The following TPRG1 variants were observed in gnomAD, a reference collection of about 807,000 sequenced individuals.
The protein encoded by TPRG1 is tumor protein p63 regulated 1.
TPRG1 carries 29 observed loss-of-function variants against 29.3 expected under a neutral mutation model. The observed-to-expected ratio is 0.99, with a 90% CI of 0.74 to 1.35. The LOEUF (loss-of-function observed/expected upper bound fraction) is 1.35. Among genes scored for constraint, TPRG1 ranks in the 40% most tolerant of loss-of-function variants. TPRG1 has a pLI of 0.00. For missense variants in TPRG1, 327 were observed against 335.0 expected (o/e 0.98, Z 0.19); for synonymous variants, 130 against 116.8 (o/e 1.11, Z -0.73).
intron 1 of TPRG1, among the ~76,000 whole-genome samples, chr3:189,177,656 G>A (rs928012126): frequency 6.6e-6 from 1 of 151,980 alleles, no homozygotes; most frequent in African/African-American, 2.4e-5. Context: ...GTTTAGAGAG[G>A]TGCAGTGAAC....
chr3:189,066,508 C>A (rs990581516), intron 4 of TPRG1, among the ~76,000 whole-genome samples: 15 of 151,710 alleles, frequency 9.9e-5, no homozygotes, highest in African/African-American at 3.4e-4. Context: ...CAAGGATGCT[C>A]CAAAAAATGC....
At chr3:189,295,129 C>G (rs528874695) in intron 4 of TPRG1, among the ~76,000 whole-genome samples, 2 of 152,158 alleles carry the variant, frequency 1.3e-5, no homozygotes, top group African/African-American at 4.8e-5. Flanking sequence ...TTTTCATGCC[C>G]TGGTTAAATC....
intron 1 of TPRG1, among the ~76,000 whole-genome samples, chr3:189,202,495 G>A (rs551904313): frequency 2.6e-5 from 4 of 152,180 alleles, no homozygotes; most frequent in Non-Finnish European, 4.4e-5. Flanking sequence ...ACTTTAAATC[G>A]TTCAATATTA....
intron 1 of TPRG1, among the ~76,000 whole-genome samples, chr3:189,202,258 G>C (rs1433902634): frequency 6.6e-6 from 1 of 152,164 alleles, no homozygotes; most frequent in African/African-American, 2.4e-5. Flanking sequence ...TTCAGTATGT[G>C]GTGGAGCAGA....
rs1579064140 is a variant in TPRG1, at chr3:189,256,106, GGGTGT to G, written c.479+17198_479+17202del. Reference sequence around the variant, plus strand: ...TCTAAGTCTTTTAATTGTGATGTTAGGGTGTTGATTTTAGATCTTTCCCACTTTGT... The same window carrying G: ...TCTAAGTCTTTTAATTGTGATGTTAGTGATTTTAGATCTTTCCCACTTTGT... On this transcript the variant is annotated intron_variant, in intron 4 of 5. Coordinates refer to ENST00000345063, the MANE Select transcript of TPRG1 (RefSeq NM_198485.4). 7.2e-5 allele frequency among the ~76,000 whole-genome samples: 11 copies of G among 152,208 alleles called. No individual in the cohort carries two copies. In the East Asian group the frequency reaches 2.1e-3, roughly 29 times the overall value.
At chr3:189,033,427 A>G (rs1208477002) in intron 4 of TPRG1, among the ~76,000 whole-genome samples, 1 of 152,046 alleles carries the variant, frequency 6.6e-6, no homozygotes, top group Non-Finnish European at 1.5e-5. Context: ...GACAACAGGT[A>G]CGTGCCACCA....
At chr3:189,085,270 T>C (rs1221909984) in intron 4 of TPRG1, among the ~76,000 whole-genome samples, 1 of 152,192 alleles carries the variant, frequency 6.6e-6, no homozygotes, top group Non-Finnish European at 1.5e-5. Flanking sequence ...AGTCTGTCAA[T>C]GAGCTATTCA....
intron 4 of TPRG1, among the ~76,000 whole-genome samples, chr3:189,029,225 G>A (rs1220659659): frequency 1.3e-5 from 2 of 152,120 alleles, no homozygotes; most frequent in African/African-American, 4.8e-5. Context: ...GTTGAAGGGG[G>A]AGAAAGGAAT....
intron 5 of TPRG1, among the ~76,000 whole-genome samples, chr3:189,312,135 T>TTC (rs1722678532): frequency 6.8e-5 from 4 of 58,548 alleles, no homozygotes; most frequent in African/African-American, 3.3e-4. Flanking sequence ...CTTTCTTTCT[T>TTC]TCTTTCTTTC....
At position 189,076,942 on chromosome 3, in the gene TPRG1, A is replaced by ATATATATG. The variant is rs199941065; in HGVS notation, c.-462-50115_-462-50114insTATATATG. On this transcript the variant is annotated intron_variant, in intron 4 of 10. Transcript: ENST00000433971. ...TGTGTACATATATATATATATATAT[A>ATATATATG]GCCAATAAGCACATGAGAAAGTGCT... is the stretch of plus-strand genomic sequence containing the variant. Among the ~76,000 whole-genome samples the ATATATATG allele has an allele frequency of 8.4e-3, 1,266 of 151,292 alleles. 16 individuals carry two copies. Among genetic ancestry groups the ATATATATG allele is most frequent in the African/African-American group, 0.03 (1,215 of 40,754 alleles).
intron 1 of TPRG1, among the ~76,000 whole-genome samples, chr3:189,182,472 T>G: frequency 6.6e-6 from 1 of 152,220 alleles, no homozygotes; most frequent in Non-Finnish European, 1.5e-5. Context: ...AGCCCTCTGC[T>G]AACCTGTGGG....
chr3:189,006,437 C>A (rs549208669), intron 3 of TPRG1, among the ~76,000 whole-genome samples: 2 of 152,170 alleles, frequency 1.3e-5, no homozygotes, highest in African/African-American at 4.8e-5. Flanking sequence ...GGAGAGACAC[C>A]CCTGTTGGGA....
chr3:189,093,962 G>A (rs1016932072), intron 4 of TPRG1, among the ~76,000 whole-genome samples: 2 of 152,048 alleles, frequency 1.3e-5, no homozygotes, highest in African/African-American at 4.8e-5. Flanking sequence ...AGCAGCCCTC[G>A]GGACATCAGC....
intron 1 of TPRG1, among the ~76,000 whole-genome samples, chr3:189,107,519 A>G (rs1037897119): frequency 1.3e-5 from 2 of 152,174 alleles, no homozygotes; most frequent in Admixed American, 6.6e-5. Flanking sequence ...ACGTATGGAC[A>G]AAAAAGCAAT....
chr3:189,034,917 C>T (rs879781234), intron 4 of TPRG1, among the ~76,000 whole-genome samples: 49 of 152,148 alleles, frequency 3.2e-4, no homozygotes, highest in Middle Eastern at 6.8e-3. Context: ...TGTCATTTTC[C>T]GCAGAATTAG....
chr3:189,281,645 T>C (rs971916910), intron 4 of TPRG1, among the ~76,000 whole-genome samples: 3 of 152,128 alleles, frequency 2.0e-5, no homozygotes, highest in African/African-American at 7.2e-5. Context: ...ATATAAGAAG[T>C]ATTTTTTTCA....
intron 4 of TPRG1, among the ~76,000 whole-genome samples, chr3:189,078,047 C>T (rs1281781481): frequency 2.6e-4 from 39 of 148,294 alleles, no homozygotes; most frequent in African/African-American, 7.7e-4. Context: ...TTCCTTCCTT[C>T]CTTCCTTCCT....
At chr3:189,193,508 A>T (rs77790951) in intron 1 of TPRG1, among the ~76,000 whole-genome samples, 2 of 151,816 alleles carry the variant, frequency 1.3e-5, no homozygotes, top group East Asian at 3.9e-4. Flanking sequence ...TTTTCCATAC[A>T]CTTTCCCTTC....
chr3:189,070,082 A>G (rs1716717786), intron 4 of TPRG1, among the ~76,000 whole-genome samples: 1 of 152,236 alleles, frequency 6.6e-6, no homozygotes, highest in Non-Finnish European at 1.5e-5. Flanking sequence ...TCCATTTCAA[A>G]AAAAGAAAAA....
Sources: gnomAD v4.1 joint callset for allele counts (sites outside exome capture counted in the v4.1 genomes callset) on GRCh38, gnomAD v4.1.1 for gene constraint, MANE v1.5 for transcripts, NCBI Gene and HGNC (gene_info 2026-07-23, HGNC 2026-07-21) for gene names.